SEMA3C: variants seen among roughly 807,000 people sequenced by gnomAD.
SEMA3C encodes semaphorin-3C.
A neutral mutation model predicts 89.4 loss-of-function variants in SEMA3C; 47 were observed. The ratio of observed to expected loss-of-function variants is 0.53; its 90% CI spans 0.42 to 0.67. The LOEUF is 0.67. Among genes scored for constraint, SEMA3C ranks in the 30% least tolerant of loss-of-function variants. SEMA3C has a pLI of 0.00. For synonymous variants in SEMA3C, 310 were observed against 320.2 expected, an observed-to-expected ratio of 0.97 and a Z score of 0.34; for missense variants, 839 against 929.1, an observed-to-expected ratio of 0.90 and a Z score of 1.26.
intron 2 of SEMA3C, among the ~76,000 whole-genome samples, chr7:80,845,703 T>C (rs941710711): frequency 6.6e-6 from 1 of 152,184 alleles, no homozygotes; most frequent in African/African-American, 2.4e-5. Context: ...TCTTCCTGTC[T>C]TTAGTTTCCT....
rs1314755941 is a variant in SEMA3C at position 80,828,656 on chromosome 7, G to A, written c.193C>T (p.Arg65Trp). Residue 65 changes from arginine to tryptophan, a missense_variant, in exon 3 of 18, where the codon CGG (arginine) becomes TGG (tryptophan). Transcript: ENST00000265361. Reference protein sequence around the residue: ...RILLMDEDQDRIYVGSKDHIL... With the variant: ...RILLMDEDQDWIYVGSKDHIL... ...TGATCTTTGCTTCCCACATATATCC[G>A]GTCCTGATCTTCATCCATTAATAAA... The A allele has an allele frequency of 8.1e-6, 13 of 1,611,576 alleles. No homozygotes were observed. The highest frequency in any genetic ancestry group is 6.7e-5 in the Admixed American group (4 of 59,918).
chr7:80,860,808 A>G (rs984691510), intron 2 of SEMA3C, among the ~76,000 whole-genome samples: 5 of 152,184 alleles, frequency 3.3e-5, no homozygotes, highest in African/African-American at 9.7e-5. Flanking sequence ...TTCATAGGAT[A>G]CCATAAAGAC....
At chr7:80,777,593 T>C (rs1217366723) in intron 12 of SEMA3C, among the ~76,000 whole-genome samples, 1 of 152,136 alleles carries the variant, frequency 6.6e-6, no homozygotes. Context: ...CACCCAACCT[T>C]GTATTTGGTT....
chr7:80,861,563 T>C (rs1790771681), intron 2 of SEMA3C, among the ~76,000 whole-genome samples: 1 of 152,206 alleles, frequency 6.6e-6, no homozygotes, highest in African/African-American at 2.4e-5. Context: ...AACTGAGCAC[T>C]GTTCACACAA....
At chr7:80,882,876 T>C (rs369010499) in intron 2 of SEMA3C, among the ~76,000 whole-genome samples, 348 of 152,044 alleles carry the variant, frequency 2.3e-3, no homozygotes, top group Non-Finnish European at 4.2e-3. Flanking sequence ...ATATGAAAAT[T>C]TAAAAAAGAA....
chr7:80,911,350 CAAAG>C (rs1451750165), intron 2 of SEMA3C, among the ~76,000 whole-genome samples: 1 of 151,890 alleles, frequency 6.6e-6, no homozygotes, highest in Non-Finnish European at 1.5e-5. Flanking sequence ...ATTTTAGAAA[CAAAG>C]AAGACAAAAA....
At chr7:80,909,074 G>GT (rs777453339) in intron 2 of SEMA3C, among the ~76,000 whole-genome samples, 5 of 152,106 alleles carry the variant, frequency 3.3e-5, no homozygotes, top group Non-Finnish European at 7.4e-5. Context: ...CATAGACGAT[G>GT]TGAGTGTGTG....
At chr7:80,786,604 TA>T (rs542919703) in intron 12 of SEMA3C, among the ~76,000 whole-genome samples, 105 of 152,230 alleles carry the variant, frequency 6.9e-4, no homozygotes, top group Non-Finnish European at 1.2e-3. Context: ...GAGCTAAGGC[TA>T]AAAGCAAATC....
At chr7:80,768,937 T>C (rs1788366703) in intron 12 of SEMA3C, among the ~76,000 whole-genome samples, 2 of 152,218 alleles carry the variant, frequency 1.3e-5, no homozygotes, top group Admixed American at 1.3e-4. Context: ...CATGTTATCA[T>C]AGAAAGCATT....
chr7:80,784,244 T>A (rs1325536685), intron 12 of SEMA3C, among the ~76,000 whole-genome samples: 1 of 151,420 alleles, frequency 6.6e-6, no homozygotes, highest in African/African-American at 2.4e-5. Context: ...AACCCTTGCC[T>A]GCTGTTTTAT....
At chr7:80,911,755 T>C (rs536907371) in intron 2 of SEMA3C, among the ~76,000 whole-genome samples, 47 of 151,790 alleles carry the variant, frequency 3.1e-4, no homozygotes, top group Non-Finnish European at 5.6e-4. Flanking sequence ...TGCCTCAGCC[T>C]CCCGAGTAGC....
At chr7:80,823,250 C>G (rs1057355679) in intron 4 of SEMA3C, among the ~76,000 whole-genome samples, 3 of 152,146 alleles carry the variant, frequency 2.0e-5, no homozygotes, top group Non-Finnish European at 2.9e-5. Context: ...AATATTAACT[C>G]ATCAATCCTC....
chr7:80,756,917 C>T (rs1283293755), intron 15 of SEMA3C, among the ~76,000 whole-genome samples: 2 of 152,096 alleles, frequency 1.3e-5, no homozygotes, highest in African/African-American at 4.8e-5. Context: ...ATTTGATATA[C>T]CAGAGGTTTT....
chr7:80,861,960 T>C lies in SEMA3C; in HGVS notation c.104-33215A>G, dbSNP rs189722059. 3.3e-5 allele frequency among the ~76,000 whole-genome samples: 5 copies of C among 152,254 alleles called. No individual in the cohort carries two copies. In the East Asian group the frequency reaches 9.7e-4, roughly 29 times the overall value. ...ACCTACCTCAATATAATAAAAGTCA[T>C]TTATGACAAACCCACAGCCAACATA... On this transcript the variant is annotated intron_variant, in intron 2 of 17. Coordinates refer to ENST00000265361, the MANE Select transcript of SEMA3C (RefSeq NM_006379.5).
At position 80,779,287 on chromosome 7, in the gene SEMA3C, A is replaced by G. The variant is rs769525032; in HGVS notation, c.1354+10019T>C. On this transcript the variant is annotated intron_variant, in intron 12 of 17. Transcript: ENST00000265361. ...TGAAATAATGTATTTTAAGTGATCA[A>G]TTTAGACTCTCATGCATAGTAGGTC... 1.4e-4 allele frequency among the ~76,000 whole-genome samples: 22 copies of G among 152,312 alleles called. 1 individual carries two copies. Among genetic ancestry groups the G allele is most frequent in the Non-Finnish European group, 2.2e-4 (15 of 68,032 alleles).
At chr7:80,886,800 TCAC>T (rs946666379) in intron 2 of SEMA3C, among the ~76,000 whole-genome samples, 6 of 152,204 alleles carry the variant, frequency 3.9e-5, no homozygotes, top group Non-Finnish European at 7.3e-5. Flanking sequence ...TGCTAAAATG[TCAC>T]CAGCATTTAT....
chr7:80,838,830 C>T (rs530006115), intron 2 of SEMA3C, among the ~76,000 whole-genome samples: 62 of 152,238 alleles, frequency 4.1e-4, no homozygotes, highest in Non-Finnish European at 7.2e-4. Context: ...CAAAACCGCC[C>T]CCATGATCCA....
intron 12 of SEMA3C, among the ~76,000 whole-genome samples, chr7:80,787,300 G>A (rs1013796035): frequency 4.6e-5 from 7 of 151,072 alleles, no homozygotes; most frequent in Non-Finnish European, 1.0e-4. Flanking sequence ...GCTGAAGCAG[G>A]AGAATATCTT....
chr7:80,830,679 T>C (rs73372969), intron 2 of SEMA3C, among the ~76,000 whole-genome samples: 2,456 of 152,132 alleles, frequency 0.016, 76 homozygotes, highest in African/African-American at 0.055. Flanking sequence ...AGGGCCTGGG[T>C]GAAAGGTCTT....
Sources: allele counts gnomAD v4.1 joint callset (sites outside exome capture counted in the v4.1 genomes callset), GRCh38; gene constraint gnomAD v4.1.1; transcripts MANE v1.5; gene names NCBI Gene and HGNC (gene_info 2026-07-23, HGNC 2026-07-21).